Variants in ROR2 observed in about 807,000 individuals in gnomAD.
The protein encoded by ROR2 is ROR family WNT receptor 2.
In ROR2, 33 loss-of-function variants were observed where a neutral mutation model predicts 74.9. The observed-to-expected ratio is 0.44, with a 90% CI of 0.33 to 0.59. The LOEUF is 0.59. ROR2 is among the 20% of genes least tolerant of loss of function. The probability of loss-of-function intolerance (pLI) is 0.02; values close to 1 mark genes in which losing one functional copy is unlikely to be tolerated. For missense variants in ROR2, 1,216 were observed against 1,313.8 expected (o/e 0.93, Z 1.15); for synonymous variants, 586 against 558.7 (o/e 1.05, Z -0.69).
rs182083407 is a variant in ROR2, at chr9:91,811,133, C to T, written c.98-35315G>A. Among the ~76,000 whole-genome samples the T allele has an allele frequency of 1.5e-3, 234 of 152,346 alleles. 1 individual carries two copies. The highest frequency in any genetic ancestry group is 5.2e-3 in the African/African-American group (215 of 41,580). The stretch of plus-strand genomic sequence containing the variant: ...GGGGGACAGGAAGCAAATGCCCATA[C>T]GAATCTTTCCTTCCCACACCTCCCC... On this transcript the variant is annotated intron_variant, in intron 1 of 8. Transcript: ENST00000375708.
chr9:91,937,009 G>A (rs1333064266), intron 1 of ROR2, among the ~76,000 whole-genome samples: 21 of 111,572 alleles, frequency 1.9e-4, no homozygotes, highest in African/African-American at 8.0e-4. Context: ...CAGCCTGGGC[G>A]ACAGAGCGAG....
intron 8 of ROR2, among the ~76,000 whole-genome samples, chr9:91,726,095 G>T (rs1027648325): frequency 2.2e-4 from 33 of 152,216 alleles, no homozygotes; most frequent in African/African-American, 8.0e-4. Flanking sequence ...GCCTTTTAGT[G>T]GTAGCCTGTC....
chr9:91,755,761 C>T lies in ROR2; in HGVS notation c.494+310G>A, dbSNP rs577047120. ...CCTGTTTCCCAATGTCCTAATGAGC[C>T]GGTATCCTTCCTGGTGCCCAGGCAA... On this transcript the variant is annotated intron_variant, in intron 4 of 8. Transcript: ENST00000375708. Among the ~76,000 whole-genome samples the T allele has an allele frequency of 1.4e-4, 22 of 152,338 alleles. No homozygotes were observed. The South Asian group carries it at 1.9e-3, about 13-fold the overall frequency.
At chr9:91,764,361 GTT>G (rs1286530740) in intron 2 of ROR2, among the ~76,000 whole-genome samples, 1 of 151,982 alleles carries the variant, frequency 6.6e-6, no homozygotes, top group African/African-American at 2.4e-5. Flanking sequence ...TAACTGATGA[GTT>G]TTATTTTTAA....
At chr9:91,940,644 G>C (rs1396941016) in intron 1 of ROR2, among the ~76,000 whole-genome samples, 2 of 150,110 alleles carry the variant, frequency 1.3e-5, no homozygotes, top group Non-Finnish European at 2.9e-5. Context: ...ACCCAGGCTA[G>C]AGTGCAGTGG....
In ROR2 at chr9:91,724,897, G is replaced by C. The variant is rs1428180248; in HGVS notation, c.1597C>G (p.His533Asp). 2.5e-6 allele frequency: 4 copies of C among 1,606,972 alleles called. No individual in the cohort carries two copies. The South Asian group carries it at 3.3e-5, about 13-fold the overall frequency. Residue 533 changes from histidine to aspartate, a missense_variant, in exon 9 of 9, where the codon CAC becomes GAC. Coordinates refer to ENST00000375708, the MANE Select transcript of ROR2 (RefSeq NM_004560.4). ...HEAMLRARLQHPNVVCLLGVV... is the reference protein window; with the variant it reads ...HEAMLRARLQDPNVVCLLGVV... ...CCCAGCAGGCAGACGACGTTGGGGT[G>C]TTGCAGCCGTGCTCGCAGCATAGCC... is the stretch of plus-strand genomic sequence containing the variant.
At chr9:91,817,717 C>A (rs1479451347) in intron 1 of ROR2, among the ~76,000 whole-genome samples, 1 of 152,142 alleles carries the variant, frequency 6.6e-6, no homozygotes, top group African/African-American at 2.4e-5. Context: ...AATATGAGGC[C>A]CCATCTGGTA....
At chr9:91,775,635 G>T in intron 2 of ROR2, 106 bp downstream of exon 2, 1 of 1,017,080 alleles carries the variant, frequency 9.8e-7, no homozygotes, top group South Asian at 1.3e-5. Flanking sequence ...GGGCACCAAG[G>T]GGCCAGAGGA....
At chr9:91,846,054 G>A (rs1334795766) in intron 1 of ROR2, among the ~76,000 whole-genome samples, 2 of 152,096 alleles carry the variant, frequency 1.3e-5, no homozygotes, top group Non-Finnish European at 2.9e-5. Flanking sequence ...GAGCCACTGG[G>A]TGATACCAAC....
intron 1 of ROR2, among the ~76,000 whole-genome samples, chr9:91,807,355 G>C (rs1426319189): frequency 6.6e-6 from 1 of 152,194 alleles, no homozygotes; most frequent in Non-Finnish European, 1.5e-5. Context: ...AACTCCACAG[G>C]AACAGAAGCT....
At chr9:91,904,150 CCTGCCTCAGCCTCCCGAGTAG>C (rs1830751185) in intron 1 of ROR2, among the ~76,000 whole-genome samples, 1 of 151,952 alleles carries the variant, frequency 6.6e-6, no homozygotes, top group African/African-American at 2.4e-5. Context: ...AGGCAATTCT[CCTGCCTCAGCCTCCCGAGTAG>C]CTGGGATTAC....
chr9:91,835,719 A>G (rs553653836), intron 1 of ROR2, among the ~76,000 whole-genome samples: 3 of 152,280 alleles, frequency 2.0e-5, no homozygotes, highest in African/African-American at 7.2e-5. Context: ...GGGAAAAGCT[A>G]CCACTACTTG....
chr9:91,810,486 G>A (rs549966070), intron 1 of ROR2, among the ~76,000 whole-genome samples: 15 of 152,024 alleles, frequency 9.9e-5, no homozygotes, highest in Non-Finnish European at 2.1e-4. Flanking sequence ...ATCTACTTCC[G>A]CAGACAGTGC....
At chr9:91,900,091 GATA>G (rs1336135419) in intron 1 of ROR2, among the ~76,000 whole-genome samples, 1 of 152,210 alleles carries the variant, frequency 6.6e-6, no homozygotes, top group Non-Finnish European at 1.5e-5. Context: ...TCACCAGTAA[GATA>G]AGTTTTAAAG....
chr9:91,737,542 G>A, intron 4 of ROR2, 24 bp from the exon 5 acceptor site: 1 of 1,614,086 alleles, frequency 6.2e-7, no homozygotes, highest in Non-Finnish European at 8.5e-7. Flanking sequence ...CACAAAGTCT[G>A]TTAGAGCTCT....
At chr9:91,732,492 A>G (rs1386899357) in intron 6 of ROR2, among the ~76,000 whole-genome samples, 1 of 152,094 alleles carries the variant, frequency 6.6e-6, no homozygotes, top group Non-Finnish European at 1.5e-5. Context: ...CTTAGGCCCC[A>G]CGATTCAGGG....
chr9:91,892,094 C>T (rs1830436208), intron 1 of ROR2, among the ~76,000 whole-genome samples: 1 of 150,790 alleles, frequency 6.6e-6, no homozygotes, highest in Non-Finnish European at 1.5e-5. Context: ...ACATCAAATC[C>T]TTCTCACAGT....
At chr9:91,804,420 AC>A (rs1285521363) in intron 1 of ROR2, among the ~76,000 whole-genome samples, 7 of 152,194 alleles carry the variant, frequency 4.6e-5, no homozygotes, top group Non-Finnish European at 1.0e-4. Flanking sequence ...CCTTTGCTCG[AC>A]AGCCTCTTAT....
intron 1 of ROR2, among the ~76,000 whole-genome samples, chr9:91,937,118 CTAAAG>C (rs776260882): frequency 1.3e-5 from 2 of 151,148 alleles, no homozygotes; most frequent in Non-Finnish European, 2.9e-5. Context: ...GTAACACAAG[CTAAAG>C]TATTTTTTCA....
Sources: allele counts gnomAD v4.1 joint callset (sites outside exome capture counted in the v4.1 genomes callset), GRCh38; gene constraint gnomAD v4.1.1; transcripts MANE v1.5; gene names NCBI Gene and HGNC (gene_info 2026-07-23, HGNC 2026-07-21).